Variants in FAM120B observed in about 807,000 individuals in gnomAD.
FAM120B encodes the protein constitutive coactivator of peroxisome proliferator-activated receptor gamma.
FAM120B carries 83 observed loss-of-function variants against 96.3 expected under a neutral mutation model. That is an observed-to-expected ratio of 0.86 (90% confidence interval 0.72 to 1.03). The LOEUF (loss-of-function observed/expected upper bound fraction) is 1.03. FAM120B is among the 50% of genes least tolerant of loss of function. FAM120B has a pLI of 0.00. For synonymous variants in FAM120B, 407 were observed against 402.7 expected (o/e 1.01, Z -0.13); for missense variants, 1,027 against 1,121.2 (o/e 0.92, Z 1.20).
upstream of FAM120B, among the ~76,000 whole-genome samples, chr6:170,294,853 T>G (rs908386851): frequency 1.3e-5 from 2 of 152,228 alleles, no homozygotes; most frequent in African/African-American, 4.8e-5. The surrounding 1 kb of genome is among the most constrained non-coding windows in gnomAD (Gnocchi z 7.9). Flanking sequence ...AACTGAATAC[T>G]GTATACCCAA....
intron 6 of FAM120B, among the ~76,000 whole-genome samples, chr6:170,359,633 CT>C (rs1296697895): frequency 6.6e-6 from 1 of 152,052 alleles, no homozygotes; most frequent in Non-Finnish European, 1.5e-5. Flanking sequence ...GAGACGACAT[CT>C]CATTATGTTG....
upstream of FAM120B, among the ~76,000 whole-genome samples, chr6:170,303,052 T>C (rs1241484333): frequency 6.6e-6 from 1 of 152,256 alleles, no homozygotes; most frequent in East Asian, 1.9e-4. Flanking sequence ...TATTAGTGAA[T>C]AACTTTTTAA....
chr6:170,317,295 C>G lies in FAM120B; in HGVS notation c.-21-75C>G, dbSNP rs1784958567. 2.6e-6 allele frequency: 3 copies of G among 1,152,478 alleles called. No homozygotes were observed. The Admixed American group carries it at 6.3e-5, about 24-fold the overall frequency. The allele number at this position is 1,152,478 out of a possible 1,614,324, so 71.4% of individuals were successfully genotyped here. A position where few individuals can be genotyped will look rare whatever the true frequency, so the allele number is the denominator to read the frequency against. ...TTGGAAACAGTGTGAATATTAACTA[C>G]TGTGTTTGCTTTGAAAGGTGCCATA... On this transcript the variant is annotated intron_variant, in intron 1 of 10. Coordinates refer to ENST00000476287, the MANE Select transcript of FAM120B (RefSeq NM_032448.3).
At chr6:170,368,819 C>CGG (rs146799172) in intron 6 of FAM120B, among the ~76,000 whole-genome samples, 4,885 of 25,562 alleles carry the variant, frequency 0.19, 372 homozygotes, top group African/African-American at 0.32. Context: ...TCTGCCGGGG[C>CGG]TGGGGGGGGG....
chr6:170,317,248 T>C (rs1419167282), intron 1 of FAM120B, 122 bp from the exon 2 acceptor site: 4 of 739,634 alleles, frequency 5.4e-6, no homozygotes, highest in Non-Finnish European at 8.8e-6. Flanking sequence ...CATATCATGT[T>C]ACCTTGGAGA....
chr6:170,371,568 G>C (rs970254058), intron 6 of FAM120B, among the ~76,000 whole-genome samples: 1 of 152,290 alleles, frequency 6.6e-6, no homozygotes, highest in Admixed American at 6.5e-5. Flanking sequence ...TTCAAGAATT[G>C]TGTGTAAAAA....
chr6:170,313,388 G>A (rs1209568370), intron 1 of FAM120B, among the ~76,000 whole-genome samples: 1 of 152,138 alleles, frequency 6.6e-6, no homozygotes, highest in African/African-American at 2.4e-5. Flanking sequence ...GAGAGCCTGG[G>A]CCCAGGCCCA....
chr6:170,332,209 A>G (rs750884189), intron 4 of FAM120B, among the ~76,000 whole-genome samples: 10 of 152,254 alleles, frequency 6.6e-5, no homozygotes, highest in Non-Finnish European at 1.3e-4. Context: ...GATTATTTCA[A>G]TGGGTGACTC....
chr6:170,335,842 C>A (rs1786384753), intron 4 of FAM120B, among the ~76,000 whole-genome samples: 1 of 152,184 alleles, frequency 6.6e-6, no homozygotes, highest in South Asian at 2.1e-4. Flanking sequence ...TTGTTGGCTG[C>A]ATAAATGTCT....
chr6:170,395,490 G>A lies in FAM120B; in HGVS notation c.2603G>A (p.Arg868Lys). The A allele has an allele frequency of 6.3e-7, 1 of 1,590,450 alleles. No homozygotes were observed. The highest frequency in any genetic ancestry group is 8.6e-7 in the Non-Finnish European group (1 of 1,167,928). Residue 868 changes from arginine to lysine, a missense_variant, in exon 9 of 11, where the codon AGG becomes AAG. This residue lies in a region of FAM120B where 142 missense variants were observed against 122.5 expected (regional missense o/e 1.16). Coordinates refer to ENST00000476287, the MANE Select transcript of FAM120B (RefSeq NM_032448.3). The stretch of plus-strand genomic sequence containing the variant: ...TTCTGACTATGTGTTCCCACAGGGA[G>A]GTGGGGAAGACAGGGCTCCAGCTAC... ...RAHWGSHHAG[R>K]WGRQGSSYHR...
At position 170,295,680 on chromosome 6, in the gene FAM120B, G is replaced by T. The variant is rs1158622951; in HGVS notation, c.48+227G>T. Among the ~76,000 whole-genome samples, 1 of 152,112 alleles carries T rather than the reference G, an allele frequency of 6.6e-6. No homozygotes were observed. The highest frequency in any genetic ancestry group is 1.9e-4 in the East Asian group (1 of 5,148). ...AGACCCGGCGAGTGACTTCCCCGGT[G>T]CGGCCGGGTCCCGGCGCCACACGCC... On this transcript the variant is annotated intron_variant, in intron 1 of 10. Coordinates refer to the FAM120B transcript ENST00000537664. The surrounding 1 kb of genome is among the most constrained non-coding windows in gnomAD (Gnocchi z 7.8).
chr6:170,389,457 G>A (rs1336952196), intron 7 of FAM120B, among the ~76,000 whole-genome samples: 1 of 152,030 alleles, frequency 6.6e-6, no homozygotes, highest in Non-Finnish European at 1.5e-5. Context: ...GTTAGGTAGG[G>A]CGAGCAGTAT....
intron 4 of FAM120B, among the ~76,000 whole-genome samples, chr6:170,335,345 A>T (rs1233723612): frequency 2.6e-5 from 4 of 152,034 alleles, no homozygotes; most frequent in Non-Finnish European, 5.9e-5. Flanking sequence ...GCTGAGAATT[A>T]TGGTTTCCAG....
rs138108245 is a variant in FAM120B at position 170,361,449 on chromosome 6, G to A, written c.2283+3131G>A. Among the ~76,000 whole-genome samples the A allele has an allele frequency of 4.1e-3, 628 of 152,084 alleles. 2 individuals carry two copies. The highest frequency in any genetic ancestry group is 9.8e-3 in the South Asian group (47 of 4,818). ...AAGAAGGAAAGCAGTATTACTTACA[G>A]TTTAAGAAAACCAAAACATGACTTT... On this transcript the variant is annotated intron_variant, in intron 6 of 10. Transcript: ENST00000476287.
intron 1 of FAM120B, among the ~76,000 whole-genome samples, chr6:170,299,887 C>G (rs927230824): frequency 2.6e-5 from 4 of 152,238 alleles, no homozygotes; most frequent in Non-Finnish European, 5.9e-5. Flanking sequence ...CATTTCCTGA[C>G]TGCATGATGT....
chr6:170,358,200 C>T (rs62422760), intron 5 of FAM120B, 26 bp from the exon 6 acceptor site: 2 of 1,552,432 alleles, frequency 1.3e-6, no homozygotes, highest in South Asian at 2.3e-5. Flanking sequence ...TGTAGCCTAA[C>T]ACTGGCCTTT....
chr6:170,322,621 A>G (rs78857780), intron 2 of FAM120B, among the ~76,000 whole-genome samples: 9 of 152,302 alleles, frequency 5.9e-5, no homozygotes, highest in African/African-American at 2.2e-4. Flanking sequence ...GGCTTTATAG[A>G]GGGGCCTCAA....
intron 1 of FAM120B, among the ~76,000 whole-genome samples, chr6:170,309,629 T>C (rs1784478081): frequency 6.6e-6 from 1 of 152,274 alleles, no homozygotes; most frequent in South Asian, 2.1e-4. Flanking sequence ...AAGTGGGCAG[T>C]GTTAATACTG....
At chr6:170,342,711 C>CAA (rs1328716209) in intron 4 of FAM120B, among the ~76,000 whole-genome samples, 10 of 152,216 alleles carry the variant, frequency 6.6e-5, no homozygotes. Flanking sequence ...TCTGTTCACA[C>CAA]AAAACCTTTT....
Sources: allele counts gnomAD v4.1 joint callset (sites outside exome capture counted in the v4.1 genomes callset), GRCh38; gene constraint gnomAD v4.1.1; regional missense constraint gnomAD v4.1.1; non-coding constraint Gnocchi (gnomAD v3.1); transcripts MANE v1.5; gene names NCBI Gene and HGNC (gene_info 2026-07-23, HGNC 2026-07-21).